Variants in DHRS3 observed in about 807,000 individuals in gnomAD.
DHRS3 encodes the protein dehydrogenase/reductase 3, also known as short-chain dehydrogenase/reductase 3.
In DHRS3, 14 loss-of-function variants were observed where a neutral mutation model predicts 27.2. The observed-to-expected ratio is 0.52, with a 90% CI of 0.34 to 0.81. DHRS3 has a LOEUF of 0.81. Among genes scored for constraint, DHRS3 ranks in the 30% least tolerant of loss-of-function variants. DHRS3 has a pLI of 0.01. For missense variants in DHRS3, 322 were observed against 406.2 expected (o/e 0.79, Z 1.78); for synonymous variants, 165 against 175.9 (o/e 0.94, Z 0.49).
chr1:12,597,127 A>G (rs1239360134), intron 1 of DHRS3, among the ~76,000 whole-genome samples: 1 of 151,982 alleles, frequency 6.6e-6, no homozygotes, highest in Non-Finnish European at 1.5e-5. Flanking sequence ...CCCAGGCTGG[A>G]GTGCAGTGGC....
chr1:12,580,524 T>C lies in DHRS3; in HGVS notation c.338A>G (p.Lys113Arg). The C allele has an allele frequency of 6.2e-7, 1 of 1,614,182 alleles. No homozygotes were observed. Among genetic ancestry groups the C allele is most frequent in the East Asian group, 2.2e-5 (1 of 44,884 alleles). The stretch of plus-strand genomic sequence containing the variant: ...AATAGACCCTCCCAGGCTACAGACC[T>C]TCTCCCGGACGGCCTTGGCCGTCTG... ...VYQTAKAVREKVGDITILVNN... is the reference protein window; with the variant it reads ...VYQTAKAVRERVGDITILVNN... The change falls in exon 2 of 6, where the codon AAG becomes AGG. Residue 113 changes from lysine (K) to arginine (R), a missense_variant and splice_region_variant. By Grantham distance (26) the Lys-to-Arg change is conservative (BLOSUM62 2). Transcript: ENST00000616661.
intron 1 of DHRS3, among the ~76,000 whole-genome samples, chr1:12,614,702 C>CTTTTT (rs70987260): frequency 6.5e-5 from 6 of 92,662 alleles, no homozygotes; most frequent in African/African-American, 2.6e-4. Flanking sequence ...CTCTGGTACA[C>CTTTTT]TTTTTTTTTT....
chr1:12,572,316 C>T (rs535907538), intron 5 of DHRS3, among the ~76,000 whole-genome samples: 1 of 152,244 alleles, frequency 6.6e-6, no homozygotes, highest in East Asian at 1.9e-4. Context: ...TACAGGCGCC[C>T]ACCACCATGC....
intron 2 of DHRS3, chr1:12,580,192 T>G: frequency 2.7e-6 from 1 of 375,526 alleles, no homozygotes; most frequent in South Asian, 2.5e-5. Flanking sequence ...CTCTTGGAGG[T>G]CACTGATATA....
chr1:12,591,336 A>G lies in DHRS3; in HGVS notation c.196-10670T>C, dbSNP rs565925136. On this transcript the variant is annotated intron_variant, in intron 1 of 5. Coordinates refer to ENST00000616661, the MANE Select transcript of DHRS3 (RefSeq NM_004753.7). This position sits in a 1 kb window ranked among gnomAD's most constrained non-coding sequence, Gnocchi z 4.1. ...GCTGAAGCCTAGGCAGGTCTCTCCCACGTAGCCCTGCAAAACAGGCTTTCC... is the reference window on the plus strand; with the variant it reads ...GCTGAAGCCTAGGCAGGTCTCTCCCGCGTAGCCCTGCAAAACAGGCTTTCC... Among the ~76,000 whole-genome samples, 1 of 152,318 alleles carries G rather than the reference A, an allele frequency of 6.6e-6. No individual in the cohort carries two copies. The highest frequency in any genetic ancestry group is 1.9e-4 in the East Asian group (1 of 5,184).
In DHRS3 at chr1:12,568,226, G is replaced by T; in HGVS notation, c.*114C>A. On this transcript the variant is annotated 3_prime_UTR_variant, in exon 6 of 6. Coordinates refer to ENST00000616661, the MANE Select transcript of DHRS3 (RefSeq NM_004753.7). ...GCAGCCGGATTCTTCGCTGGGGACA[G>T]GAGCTGTCCTGCTCACCCAGCAGAA... 9.9e-7 allele frequency: 1 copy of T among 1,012,140 alleles called. No homozygotes were observed. The allele number at this position is 1,012,140 out of a possible 1,614,324, so 62.7% of individuals were successfully genotyped here.
rs1437434703 is a variant in DHRS3 at position 12,593,192 on chromosome 1, G to A, written c.196-12526C>T. Among the ~76,000 whole-genome samples the A allele has an allele frequency of 6.6e-6, 1 of 152,040 alleles. No homozygotes were observed. The highest frequency in any genetic ancestry group is 2.4e-5 in the African/African-American group (1 of 41,386). On this transcript the variant is annotated intron_variant, in intron 1 of 5. Transcript: ENST00000616661. This position sits in a 1 kb window ranked among gnomAD's most constrained non-coding sequence, Gnocchi z 4.6. ...CTGGAATCTAGTGTTTACTGGGATC[G>A]CAGGCCCTTCCTGGTCTGCCCCATC...
At chr1:12,616,406 A>C (rs1033149543) in intron 1 of DHRS3, among the ~76,000 whole-genome samples, 3 of 151,772 alleles carry the variant, frequency 2.0e-5, no homozygotes, top group Admixed American at 2.0e-4. Flanking sequence ...GGGTGCCAGG[A>C]CCACCAAAAA....
Position 12,594,036 on chromosome 1 carries a change from C to T in DHRS3, c.196-13370G>A, listed in dbSNP as rs910499388. On this transcript the variant is annotated intron_variant, in intron 1 of 5. Coordinates refer to ENST00000616661, the MANE Select transcript of DHRS3 (RefSeq NM_004753.7). The surrounding 1 kb of genome is among the most constrained non-coding windows in gnomAD (Gnocchi z 4.1). ...ACACCTCACAACCTTTGCCCTTTTC[C>T]CCCACTGGACCTCTTGCTGGAAAGT... 1.3e-5 allele frequency among the ~76,000 whole-genome samples: 2 copies of T among 152,182 alleles called. No homozygotes were observed. Among genetic ancestry groups the T allele is most frequent in the Non-Finnish European group, 2.9e-5 (2 of 68,042 alleles).
At chr1:12,580,483 G>T in intron 2 of DHRS3, 40 bp downstream of exon 2, 8 of 1,613,872 alleles carry the variant, frequency 5.0e-6, no homozygotes, top group Non-Finnish European at 6.8e-6. Flanking sequence ...ATTAGCCTGT[G>T]GTCAGCTGTG....
At position 12,592,050 on chromosome 1, in the gene DHRS3, G is replaced by A. The variant is rs879826792; in HGVS notation, c.196-11384C>T. On this transcript the variant is annotated intron_variant, in intron 1 of 5. Transcript: ENST00000616661. The surrounding 1 kb of genome is among the most constrained non-coding windows in gnomAD (Gnocchi z 4.2). ...TGTTCTGAGCATGGGTCAGCACAGT[G>A]CCCAGGGCTGGTGTTTGCTGTGAGG... Among the ~76,000 whole-genome samples, 2 of 152,150 alleles carry A rather than the reference G, an allele frequency of 1.3e-5. No homozygotes were observed. The highest frequency in any genetic ancestry group is 6.5e-5 in the Admixed American group (1 of 15,286).
intron 5 of DHRS3, 103 bp downstream of exon 5, chr1:12,572,625 C>G (rs1457851496): frequency 6.6e-7 from 1 of 1,516,988 alleles, no homozygotes. Flanking sequence ...ACATCAGCAG[C>G]AAATGTGCCA....
At chr1:12,584,420 C>A (rs1435844438) in intron 1 of DHRS3, among the ~76,000 whole-genome samples, 1 of 151,984 alleles carries the variant, frequency 6.6e-6, no homozygotes, top group African/African-American at 2.4e-5. Context: ...GTGCCCCAGG[C>A]GGGCTGGGGA....
At chr1:12,568,608 A>G (rs4240900) in intron 5 of DHRS3, among the ~76,000 whole-genome samples, 184 bp from the exon 6 acceptor site, 71,135 of 151,912 alleles carry the variant, frequency 0.47, 16,860 homozygotes, top group East Asian at 0.64. Flanking sequence ...GAGCTTTCAA[A>G]TAAGTGGATA....
rs112720680 is a variant in DHRS3, at chr1:12,597,009, C to G, written c.196-16343G>C. Among the ~76,000 whole-genome samples, 1,400 of 152,198 alleles carry G rather than the reference C, an allele frequency of 9.2e-3. 8 individuals carry two copies. The highest frequency in any genetic ancestry group is 0.014 in the Non-Finnish European group (952 of 67,990). On this transcript the variant is annotated intron_variant, in intron 1 of 5. Coordinates refer to ENST00000616661, the MANE Select transcript of DHRS3 (RefSeq NM_004753.7). ...TGGCTCAAGGAGACCCCCATTGACT[C>G]CCCTACTTGGACCTCATTAACTAAT...
At position 12,593,822 on chromosome 1, in the gene DHRS3, A is replaced by G. The variant is rs1646766018; in HGVS notation, c.196-13156T>C. ...ACTCAGAAAACTCTCCAGGGAAACGATCACAAAAGCTGACTCTGGGCAGGC... is the reference window on the plus strand; with the variant it reads ...ACTCAGAAAACTCTCCAGGGAAACGGTCACAAAAGCTGACTCTGGGCAGGC... On this transcript the variant is annotated intron_variant, in intron 1 of 5. Coordinates refer to ENST00000616661, the MANE Select transcript of DHRS3 (RefSeq NM_004753.7). The surrounding 1 kb of genome is among the most constrained non-coding windows in gnomAD (Gnocchi z 4.6). Among the ~76,000 whole-genome samples the G allele has an allele frequency of 6.6e-6, 1 of 152,138 alleles. No homozygotes were observed. The highest frequency in any genetic ancestry group is 6.5e-5 in the Admixed American group (1 of 15,280).
At chr1:12,569,727 G>A (rs984916528) in intron 5 of DHRS3, among the ~76,000 whole-genome samples, 8 of 152,040 alleles carry the variant, frequency 5.3e-5, no homozygotes, top group Admixed American at 3.3e-4. Flanking sequence ...CACCATGCCC[G>A]CCTAATTTCT....
At chr1:12,582,300 G>A (rs559071499) in intron 1 of DHRS3, among the ~76,000 whole-genome samples, 12 of 152,236 alleles carry the variant, frequency 7.9e-5, no homozygotes, top group African/African-American at 2.6e-4. Flanking sequence ...ATTCTCCAAT[G>A]GAATCGATTT....
chr1:12,587,912 A>G (rs776998288), intron 1 of DHRS3, among the ~76,000 whole-genome samples: 59 of 152,238 alleles, frequency 3.9e-4, no homozygotes, highest in Non-Finnish European at 5.7e-4. Context: ...GTGACTGTCT[A>G]TTCACATCTC....
Sources: gnomAD v4.1 joint callset for allele counts (sites outside exome capture counted in the v4.1 genomes callset) on GRCh38, gnomAD v4.1.1 for gene constraint, Gnocchi (gnomAD v3.1) non-coding constraint, MANE v1.5 for transcripts, NCBI Gene and HGNC (gene_info 2026-07-23, HGNC 2026-07-21) for gene names.